Variants in RNF115 observed in about 807,000 individuals in gnomAD.
RNF115 encodes E3 ubiquitin-protein ligase RNF115.
In RNF115, 31 loss-of-function variants were observed where a neutral mutation model predicts 39.2. The ratio of observed to expected loss-of-function variants is 0.79; its 90% CI spans 0.59 to 1.07. The LOEUF (loss-of-function observed/expected upper bound fraction) is 1.07, where lower values mean the gene tolerates loss of function less well. Among genes scored for constraint, RNF115 ranks in the 50% least tolerant of loss-of-function variants. The pLI, the probability that RNF115 is intolerant of heterozygous loss-of-function variation, is 0.00. For missense variants in RNF115, 384 were observed against 381.7 expected, an observed-to-expected ratio of 1.01 and a Z score of -0.05; for synonymous variants, 124 against 131.0, an observed-to-expected ratio of 0.95 and a Z score of 0.37.
chr1:145,753,780 G>A (rs782691597), intron 4 of RNF115, among the ~76,000 whole-genome samples: 3 of 152,086 alleles, frequency 2.0e-5, no homozygotes, highest in Admixed American at 6.5e-5. Flanking sequence ...GCAGTGGAGC[G>A]ATCTCGGCTC....
At chr1:145,788,779 C>G (rs1553718495) in intron 2 of RNF115, 129 bp downstream of exon 2, 1 of 756,664 alleles carries the variant, frequency 1.3e-6, no homozygotes, top group East Asian at 2.6e-5. Context: ...TGCACTCACT[C>G]TCTCTCTCTC....
intron 1 of RNF115, among the ~76,000 whole-genome samples, chr1:145,801,551 G>GA (rs1649245154): frequency 6.6e-6 from 1 of 151,968 alleles, no homozygotes; most frequent in Non-Finnish European, 1.5e-5. Flanking sequence ...AAGAAAGAAA[G>GA]AAAGAAAATA....
At chr1:145,790,178 T>C (rs905125705) in intron 1 of RNF115, among the ~76,000 whole-genome samples, 8 of 152,146 alleles carry the variant, frequency 5.3e-5, no homozygotes, top group Non-Finnish European at 7.3e-5. Flanking sequence ...TTCACTCTTG[T>C]TGCCCAGGCT....
intron 4 of RNF115, among the ~76,000 whole-genome samples, chr1:145,766,993 C>G (rs1426990793): frequency 7.1e-6 from 1 of 141,542 alleles, no homozygotes; most frequent in Non-Finnish European, 1.5e-5. Flanking sequence ...GGCAGAGGGG[C>G]TCCTCACTTC....
rs1657801423 is a variant in RNF115, at chr1:145,744,617, C to T, written c.*2249G>A. The T allele has an allele frequency of 2.0e-5, 3 of 152,362 alleles. No individual in the cohort carries two copies. The highest frequency in any genetic ancestry group is 2.1e-4 in the South Asian group (1 of 4,822). 9.4% of individuals were successfully genotyped at this position (152,362 alleles called of 1,614,324 possible). On this transcript the variant is annotated 3_prime_UTR_variant, in exon 9 of 9. Coordinates refer to ENST00000582693, the MANE Select transcript of RNF115 (RefSeq NM_014455.4). ...AACGTTATCTCTAGCCCCCTTCCGT[C>T]ACCCACAAATCAGCGTATGATAGTC...
At chr1:145,756,678 A>AG (rs1452025200) in intron 4 of RNF115, among the ~76,000 whole-genome samples, 1 of 151,990 alleles carries the variant, frequency 6.6e-6, no homozygotes, top group African/African-American at 2.4e-5. Flanking sequence ...GTTCTGAGGG[A>AG]GATCAATTCC....
intron 2 of RNF115, among the ~76,000 whole-genome samples, chr1:145,785,909 T>G (rs1553718041): frequency 6.6e-6 from 1 of 152,220 alleles, no homozygotes; most frequent in African/African-American, 2.4e-5. Flanking sequence ...ACATCTATGC[T>G]AAATAAACAG....
intron 3 of RNF115, among the ~76,000 whole-genome samples, chr1:145,775,647 G>A (rs928623670): frequency 2.6e-5 from 4 of 151,806 alleles, no homozygotes; most frequent in Admixed American, 1.3e-4. Flanking sequence ...CTCCTGCCTC[G>A]GCCTCCCAAA....
chr1:145,789,214 T>C (rs889217706), intron 1 of RNF115, among the ~76,000 whole-genome samples: 1 of 151,872 alleles, frequency 6.6e-6, no homozygotes, highest in African/African-American at 2.4e-5. Flanking sequence ...GAGATCCTCC[T>C]GCCTTAGCCT....
At chr1:145,767,461 C>A (rs1469248229) in intron 4 of RNF115, among the ~76,000 whole-genome samples, 2 of 151,666 alleles carry the variant, frequency 1.3e-5, no homozygotes, top group African/African-American at 2.4e-5. Context: ...GGATGGCGGC[C>A]GGGCAGAGAC....
Position 145,745,423 on chromosome 1 carries a change from G to T in RNF115, c.*1443C>A. ...ATCGTGCCACTGCACTCCAGCCTAG[G>T]CGACAGAAACAAACAAAAAAAGCAG... On this transcript the variant is annotated 3_prime_UTR_variant, in exon 9 of 9. Coordinates refer to ENST00000582693, the MANE Select transcript of RNF115 (RefSeq NM_014455.4). 1 of 153,008 alleles carries T rather than the reference G, an allele frequency of 6.5e-6. No homozygotes were observed. The highest frequency in any genetic ancestry group is 1.5e-5 in the Non-Finnish European group (1 of 68,810). 9.5% of individuals were successfully genotyped at this position (153,008 alleles called of 1,614,324 possible). A position where few individuals can be genotyped will look rare whatever the true frequency, so the allele number is the denominator to read the frequency against.
chr1:145,751,954 G>C (rs1364272744), intron 5 of RNF115, among the ~76,000 whole-genome samples: 1 of 152,174 alleles, frequency 6.6e-6, no homozygotes, highest in Admixed American at 6.5e-5. Context: ...CTTTCAAGTA[G>C]AGAAGCAGCC....
intron 4 of RNF115, among the ~76,000 whole-genome samples, chr1:145,761,484 C>G (rs1658502297): frequency 6.6e-6 from 1 of 152,230 alleles, no homozygotes; most frequent in African/African-American, 2.4e-5. Flanking sequence ...CAACATAGAG[C>G]TTGGGTTGTG....
chr1:145,794,889 C>T (rs1571764378), intron 1 of RNF115, among the ~76,000 whole-genome samples: 2 of 151,662 alleles, frequency 1.3e-5, no homozygotes, highest in Non-Finnish European at 2.9e-5. Context: ...TGGTGGCGGG[C>T]GCCTGTAGTC....
chr1:145,771,620 AATAAGT>A, intron 4 of RNF115, 85 bp downstream of exon 4: 1 of 991,354 alleles, frequency 1.0e-6, no homozygotes. Context: ...CCACAAAGGT[AATAAGT>A]ATGAGACCCT....
At position 145,771,541 on chromosome 1, in the gene RNF115, T is replaced by G. The variant is rs116613713; in HGVS notation, c.428+170A>C. ...GACATAGCATTTCTCACTCTCTGGT[T>G]TATCATCGGGTGAGTACTAACATTC... is the stretch of plus-strand genomic sequence containing the variant. On this transcript the variant is annotated intron_variant, in intron 4 of 8. Coordinates refer to ENST00000582693, the MANE Select transcript of RNF115 (RefSeq NM_014455.4). Among the ~76,000 whole-genome samples, 5 of 152,320 alleles carry G rather than the reference T, an allele frequency of 3.3e-5. No individual in the cohort carries two copies. In the South Asian group the frequency reaches 8.3e-4, roughly 25 times the overall value.
At chr1:145,747,938 T>A in intron 8 of RNF115, 57 bp downstream of exon 8, 1 of 1,129,662 alleles carries the variant, frequency 8.9e-7, no homozygotes, top group Admixed American at 1.7e-5. Context: ...GAGGAACTGT[T>A]AACTATACCT....
rs1647919294 is a variant in RNF115 at position 145,777,057 on chromosome 1, T to C, written c.220-5138A>G. ...AACACGACATTTAAAAACCTAAAAC[T>C]ATACTTGTCTTCAATAAGTGAAAAA... is the stretch of plus-strand genomic sequence containing the variant. On this transcript the variant is annotated intron_variant, in intron 3 of 8. Coordinates refer to ENST00000582693, the MANE Select transcript of RNF115 (RefSeq NM_014455.4). Among the ~76,000 whole-genome samples, 18 of 152,298 alleles carry C rather than the reference T, an allele frequency of 1.2e-4. No individual in the cohort carries two copies. In the South Asian group the frequency reaches 3.5e-3, roughly 30 times the overall value.
intron 1 of RNF115, among the ~76,000 whole-genome samples, chr1:145,822,659 G>A (rs1368059682): frequency 2.1e-4 from 32 of 151,272 alleles, no homozygotes; most frequent in Non-Finnish European, 4.0e-4. Flanking sequence ...GCCAAGGACA[G>A]GATTGACATT....
Sources: allele counts gnomAD v4.1 joint callset (sites outside exome capture counted in the v4.1 genomes callset), GRCh38; gene constraint gnomAD v4.1.1; transcripts MANE v1.5; gene names NCBI Gene and HGNC (gene_info 2026-07-23, HGNC 2026-07-21).